STARD13: variants seen among roughly 807,000 people sequenced by gnomAD.
The protein encoded by STARD13 is StAR related lipid transfer domain containing 13.
Under a neutral mutation model 106.4 loss-of-function variants are expected in STARD13, and 62 were observed. That is an observed-to-expected ratio of 0.58 (90% CI 0.48 to 0.72). The LOEUF is 0.72. Ranked by LOEUF, STARD13 falls within the 30% of genes least tolerant of loss-of-function variation. The probability of loss-of-function intolerance (pLI) is 0.00; values close to 1 mark genes in which losing one functional copy is unlikely to be tolerated. For missense variants in STARD13, 1,387 were observed against 1,424.0 expected, an observed-to-expected ratio of 0.97 and a Z score of 0.42; for synonymous variants, 565 against 553.0, an observed-to-expected ratio of 1.02 and a Z score of -0.31.
At chr13:33,635,300 AT>A in the STARD13 span, among the ~76,000 whole-genome samples, 284 of 152,242 alleles carry the variant, frequency 1.9e-3, 1 homozygote, top group African/African-American at 6.5e-3. Flanking sequence ...TATATCCTTG[AT>A]TTAGTTTCCC....
the STARD13 span, among the ~76,000 whole-genome samples, chr13:33,555,251 C>T: frequency 6.6e-6 from 1 of 152,204 alleles, no homozygotes; most frequent in Non-Finnish European, 1.5e-5. Flanking sequence ...TTTCTCTTAG[C>T]CTAGCATCAA....
the STARD13 span, among the ~76,000 whole-genome samples, chr13:33,514,136 T>C: frequency 6.6e-6 from 1 of 152,128 alleles, no homozygotes; most frequent in East Asian, 1.9e-4. Context: ...GCATGGAAGA[T>C]AATAAGATTA....
chr13:33,323,318 AC>A (rs1405523574), intron 1 of STARD13, among the ~76,000 whole-genome samples: 1 of 152,106 alleles, frequency 6.6e-6, no homozygotes, highest in Non-Finnish European at 1.5e-5. Flanking sequence ...TGGAATTTAC[AC>A]TACCCTCCAG....
intron 1 of STARD13, among the ~76,000 whole-genome samples, chr13:33,263,590 AAATGAGCCT>A (rs1294462433): frequency 1.3e-5 from 2 of 152,194 alleles, no homozygotes; most frequent in East Asian, 3.8e-4. Context: ...GTAGGGGCTT[AAATGAGCCT>A]AATGTATTTG....
chr13:33,162,671 C>T (rs1030507652), intron 3 of STARD13, among the ~76,000 whole-genome samples: 7 of 152,168 alleles, frequency 4.6e-5, no homozygotes, highest in African/African-American at 1.7e-4. Flanking sequence ...TAACAAGAGT[C>T]ACCTTTGCTC....
chr13:33,438,061 AGTACTT>A, the STARD13 span, among the ~76,000 whole-genome samples: 1 of 152,228 alleles, frequency 6.6e-6, no homozygotes, highest in African/African-American at 2.4e-5. Flanking sequence ...TTGTTAGAAA[AGTACTT>A]GTCATTTCCA....
the STARD13 span, among the ~76,000 whole-genome samples, chr13:33,518,626 G>A: frequency 6.6e-6 from 1 of 152,106 alleles, no homozygotes; most frequent in African/African-American, 2.4e-5. Context: ...GGTGACAGCT[G>A]TTTGGGGAGG....
In STARD13 at chr13:33,104,434, C is replaced by T. The variant is rs1166888353; in HGVS notation, c.*1159G>A. ...GTCTCATGTTAGTTAAAAACCCTGT[C>T]TTTCAGATTGTAAAAGTTTAATGAA... On this transcript the variant is annotated 3_prime_UTR_variant, in exon 14 of 14. Coordinates refer to ENST00000336934, the MANE Select transcript of STARD13 (RefSeq NM_178006.4). The T allele has an allele frequency of 6.6e-6, 1 of 152,622 alleles. No homozygotes were observed. Among genetic ancestry groups the T allele is most frequent in the Non-Finnish European group, 1.5e-5 (1 of 68,038 alleles). The allele number at this position is 152,622 out of a possible 1,614,324, so 9.5% of individuals were successfully genotyped here. A position where few individuals can be genotyped will look rare whatever the true frequency, so the allele number is the denominator to read the frequency against.
the STARD13 span, among the ~76,000 whole-genome samples, chr13:33,640,061 A>G: frequency 6.6e-6 from 1 of 152,188 alleles, no homozygotes; most frequent in East Asian, 1.9e-4. Context: ...CAGGTGTACA[A>G]TCTACCATGA....
At chr13:33,115,604 G>A (rs1346754748) in intron 8 of STARD13, among the ~76,000 whole-genome samples, 2 of 152,174 alleles carry the variant, frequency 1.3e-5, no homozygotes, top group African/African-American at 4.8e-5. Context: ...GGAAATGGGT[G>A]TCTCCCTCAG....
rs143381271 is a variant in STARD13, at chr13:33,157,235, G to A, written c.323+8102C>T. On this transcript the variant is annotated intron_variant, in intron 3 of 13. Coordinates refer to ENST00000336934, the MANE Select transcript of STARD13 (RefSeq NM_178006.4). ...TTTTAAATACTAAGGGCAATGATACGTATACTGTATAATCCTAACCGATTC... is the reference window on the plus strand; with the variant it reads ...TTTTAAATACTAAGGGCAATGATACATATACTGTATAATCCTAACCGATTC... 1.9e-3 allele frequency among the ~76,000 whole-genome samples: 296 copies of A among 152,120 alleles called. 4 individuals carry two copies. Among genetic ancestry groups the A allele is most frequent in the African/African-American group, 6.8e-3 (282 of 41,458 alleles).
In STARD13 at chr13:33,105,486, C is replaced by T. The variant is rs913588236; in HGVS notation, c.*107G>A. On this transcript the variant is annotated 3_prime_UTR_variant, in exon 14 of 14. Transcript: ENST00000336934. The stretch of plus-strand genomic sequence containing the variant: ...AACGTTTCCATTTTTAGGCATTAAC[C>T]GCGTCCTTCAGTTCCTCTTTCTCTC... 38 of 772,870 alleles carry T rather than the reference C, an allele frequency of 4.9e-5. No homozygotes were observed. The highest frequency in any genetic ancestry group is 7.8e-5 in the Non-Finnish European group (35 of 451,590). 47.9% of individuals were successfully genotyped at this position (772,870 alleles called of 1,614,324 possible). A position where few individuals can be genotyped will look rare whatever the true frequency, so the allele number is the denominator to read the frequency against.
chr13:33,239,347 C>A (rs1889353746), intron 1 of STARD13, among the ~76,000 whole-genome samples: 1 of 152,112 alleles, frequency 6.6e-6, no homozygotes, highest in African/African-American at 2.4e-5. Flanking sequence ...ACTTGGGGTG[C>A]AAATCTCTTT....
chr13:33,620,213 AC>A, the STARD13 span, among the ~76,000 whole-genome samples: 3 of 152,290 alleles, frequency 2.0e-5, no homozygotes, highest in Admixed American at 6.5e-5. Flanking sequence ...AATGCTATCA[AC>A]CCACAAGACC....
At chr13:33,640,383 T>C in the STARD13 span, among the ~76,000 whole-genome samples, 3 of 152,212 alleles carry the variant, frequency 2.0e-5, no homozygotes, top group Admixed American at 1.3e-4. Flanking sequence ...TAATAGGCCA[T>C]GTAAATGAGG....
At chr13:33,500,179 T>C in the STARD13 span, among the ~76,000 whole-genome samples, 3 of 152,020 alleles carry the variant, frequency 2.0e-5, no homozygotes, top group Admixed American at 2.0e-4. Context: ...AACATATAAA[T>C]TTGGGAAGGA....
chr13:33,331,164 T>G (rs1046714746), intron 1 of STARD13, among the ~76,000 whole-genome samples: 1 of 152,164 alleles, frequency 6.6e-6, no homozygotes, highest in African/African-American at 2.4e-5. Flanking sequence ...CTCTTTTTCT[T>G]GCACTTCAGG....
At chr13:33,495,378 A>G in the STARD13 span, among the ~76,000 whole-genome samples, 1 of 152,184 alleles carries the variant, frequency 6.6e-6, no homozygotes, top group Admixed American at 6.6e-5. Context: ...GAAAATGCTA[A>G]CTTATCAAAT....
chr13:33,113,907 A>T lies in STARD13; in HGVS notation c.2282-976T>A, dbSNP rs371212745. Among the ~76,000 whole-genome samples, 8 of 152,228 alleles carry T rather than the reference A, an allele frequency of 5.3e-5. No individual in the cohort carries two copies. In the South Asian group the frequency reaches 8.3e-4, roughly 16 times the overall value. ...CACTTTAGTCCTCTCACTGCGAAAG[A>T]CACCGTCAGGAGCTTGCTTCTGTCA... On this transcript the variant is annotated intron_variant, in intron 8 of 13. Transcript: ENST00000336934.
Sources: allele counts gnomAD v4.1 joint callset (sites outside exome capture counted in the v4.1 genomes callset), GRCh38; gene constraint gnomAD v4.1.1; transcripts MANE v1.5; gene names NCBI Gene and HGNC (gene_info 2026-07-23, HGNC 2026-07-21).